The following ZNF140 variants were observed in gnomAD, a reference collection of about 807,000 sequenced individuals.
ZNF140 encodes zinc finger protein 140.
A neutral mutation model predicts 12.9 loss-of-function variants in ZNF140; 13 were observed. The observed-to-expected ratio is 1.01, with a 90% CI of 0.66 to 1.60. The LOEUF (loss-of-function observed/expected upper bound fraction) is 1.60. Ranked by LOEUF, ZNF140 falls within the 40% of genes most tolerant of loss-of-function variation. ZNF140 has a pLI of 0.00. For synonymous variants in ZNF140, 214 were observed against 186.7 expected, an observed-to-expected ratio of 1.15 and a Z score of -1.19; for missense variants, 531 against 548.8, an observed-to-expected ratio of 0.97 and a Z score of 0.32.
chr12:133,088,225 T>G (rs1022866585), intron 4 of ZNF140, among the ~76,000 whole-genome samples: 8 of 152,188 alleles, frequency 5.3e-5, no homozygotes, highest in Non-Finnish European at 1.2e-4. Flanking sequence ...CCATTATTGT[T>G]TATAGAATAA....
chr12:133,086,817 T>C (rs1954691973), intron 4 of ZNF140, among the ~76,000 whole-genome samples: 1 of 152,248 alleles, frequency 6.6e-6, no homozygotes, highest in African/African-American at 2.4e-5. Context: ...TATTTTGTCA[T>C]GTGAGTTAGT....
In ZNF140 at chr12:133,106,377, C is replaced by A. The variant is rs766513108; in HGVS notation, c.1100C>A (p.Thr367Asn). ...YECDECGKVFTWHASLIQHTK... is the reference protein window; with the variant it reads ...YECDECGKVFNWHASLIQHTK... ...TGTGATGAATGTGGTAAAGTTTTCA[C>A]TTGGCATGCATCCCTTATTCAACAT... is the stretch of plus-strand genomic sequence containing the variant. The change falls in exon 5 of 5, where the codon ACT becomes AAT. Residue 367 changes from threonine to asparagine, a missense_variant. Coordinates refer to ENST00000355557, the MANE Select transcript of ZNF140 (RefSeq NM_003440.4). 1.6e-5 allele frequency: 26 copies of A among 1,614,024 alleles called. No homozygotes were observed. In the South Asian group the frequency reaches 2.6e-4, roughly 16 times the overall value.
At position 133,106,268 on chromosome 12, in the gene ZNF140, T is replaced by C. The variant is rs758184905; in HGVS notation, c.991T>C (p.Cys331Arg). ...CCATACAACCAAAACCCCGTATGAA[T>C]GTAATGAATGTAGGAAAGCTTTCCG... ...SIHTTKTPYE[C>R]NECRKAFRCH... Residue 331 changes from cysteine (C) to arginine (R), a missense_variant, in exon 5 of 5, where the codon TGT becomes CGT. Cys to Arg is a radical substitution (Grantham distance 180). Transcript: ENST00000355557. The C allele has an allele frequency of 3.1e-6, 5 of 1,614,086 alleles. No individual in the cohort carries two copies. The highest frequency in any genetic ancestry group is 3.4e-6 in the Non-Finnish European group (4 of 1,180,036).
chr12:133,103,170 T>A (rs938161252), intron 4 of ZNF140, among the ~76,000 whole-genome samples: 1 of 150,386 alleles, frequency 6.6e-6, no homozygotes, highest in Non-Finnish European at 1.5e-5. Context: ...GTATCATTTC[T>A]ATGTGATAAG....
chr12:133,105,350 G>GAAGT (rs1955553421), intron 4 of ZNF140, among the ~76,000 whole-genome samples, 160 bp from the exon 5 acceptor site: 1 of 152,038 alleles, frequency 6.6e-6, no homozygotes, highest in African/African-American at 2.4e-5. Flanking sequence ...GATCTTTTCT[G>GAAGT]AAGTTCTGGG....
rs960836826 is a variant in ZNF140, at chr12:133,093,953, C to T, written c.232+10392C>T. Among the ~76,000 whole-genome samples the T allele has an allele frequency of 1.1e-4, 17 of 151,168 alleles. No individual in the cohort carries two copies. The East Asian group carries it at 3.3e-3, about 29-fold the overall frequency. ...TTTCCAGTCTCTCTGTCTGTTATCC[C>T]CTGTGTCCTCTCTCCTTCACACTTA... On this transcript the variant is annotated intron_variant, in intron 4 of 4. Transcript: ENST00000355557.
chr12:133,102,062 G>A (rs1254932041), intron 4 of ZNF140, among the ~76,000 whole-genome samples: 1 of 152,122 alleles, frequency 6.6e-6, no homozygotes, highest in Non-Finnish European at 1.5e-5. Context: ...GTGGTAAGGT[G>A]TTGAGGGAAG....
intron 4 of ZNF140, among the ~76,000 whole-genome samples, chr12:133,095,127 A>G (rs2137535471): frequency 6.6e-6 from 1 of 151,028 alleles, no homozygotes; most frequent in South Asian, 2.1e-4. Flanking sequence ...TACCTTCCCT[A>G]GTTGCTTGTT....
chr12:133,101,957 A>G (rs1209242367), intron 4 of ZNF140, among the ~76,000 whole-genome samples: 2 of 151,812 alleles, frequency 1.3e-5, no homozygotes, highest in East Asian at 3.9e-4. Context: ...AGTCTGTTCA[A>G]ACTTTTTTTT....
intron 4 of ZNF140, among the ~76,000 whole-genome samples, chr12:133,099,468 T>C (rs1029932335): frequency 1.3e-5 from 2 of 152,230 alleles, no homozygotes; most frequent in Admixed American, 6.5e-5. Flanking sequence ...TGAGCCACTG[T>C]GCCCGGCCAA....
chr12:133,104,597 C>T (rs963262189), intron 4 of ZNF140, among the ~76,000 whole-genome samples: 19 of 152,162 alleles, frequency 1.2e-4, no homozygotes, highest in African/African-American at 3.6e-4. Flanking sequence ...ATGATCTGCC[C>T]GCCTTGGCCT....
At chr12:133,081,826 C>T (rs2137474934) in intron 2 of ZNF140, 2 of 241,738 alleles carry the variant, frequency 8.3e-6, no homozygotes, top group East Asian at 3.1e-4. Context: ...TGAACCTCTA[C>T]TTTCAGTGGT....
rs1249116019 is a variant in ZNF140 at position 133,084,944 on chromosome 12, T to G, written c.232+1383T>G. On this transcript the variant is annotated intron_variant, in intron 4 of 4. Transcript: ENST00000355557. ...ATGAGGAAAAATGTCCTTTTTGAAT[T>G]AAAAAATAACAAAACTGATAAAAGC... is the stretch of plus-strand genomic sequence containing the variant. 2.6e-5 allele frequency among the ~76,000 whole-genome samples: 4 copies of G among 151,588 alleles called. No individual in the cohort carries two copies. The East Asian group carries it at 7.7e-4, about 29-fold the overall frequency.
chr12:133,093,588 T>C (rs1357266384), intron 4 of ZNF140: 2 of 644,920 alleles, frequency 3.1e-6, no homozygotes. Flanking sequence ...CTTCCCTATT[T>C]CCCATGTTTT....
Position 133,106,922 on chromosome 12 carries a change from C to A in ZNF140, c.*271C>A. ...CCATCTGGTAATGTTGAGAAGACTT[C>A]ATTTGGTAGGAGTCCCTTACTTTAC... On this transcript the variant is annotated 3_prime_UTR_variant, in exon 5 of 5. Coordinates refer to ENST00000355557, the MANE Select transcript of ZNF140 (RefSeq NM_003440.4). The A allele has an allele frequency of 3.7e-6, 1 of 269,788 alleles. No homozygotes were observed. Among genetic ancestry groups the A allele is most frequent in the Non-Finnish European group, 7.0e-6 (1 of 142,520 alleles). The allele number at this position is 269,788 out of a possible 1,614,324, so 16.7% of individuals were successfully genotyped here.
At chr12:133,094,505 C>T (rs1260477371) in intron 4 of ZNF140, among the ~76,000 whole-genome samples, 3 of 151,204 alleles carry the variant, frequency 2.0e-5, no homozygotes, top group African/African-American at 7.3e-5. Context: ...AATCAGTTAG[C>T]ATGCACCATC....
intron 4 of ZNF140, among the ~76,000 whole-genome samples, 173 bp from the exon 5 acceptor site, chr12:133,105,337 T>C (rs1285395590): frequency 6.6e-6 from 1 of 152,180 alleles, no homozygotes; most frequent in Non-Finnish European, 1.5e-5. Context: ...TCTATCTCTG[T>C]TTGATCTTTT....
At chr12:133,083,291 T>C in intron 3 of ZNF140, 62 bp downstream of exon 3, 1 of 1,567,158 alleles carries the variant, frequency 6.4e-7, no homozygotes, top group South Asian at 1.2e-5. Flanking sequence ...CTGTTATAAT[T>C]ATCTGGCTGA....
chr12:133,104,061 TA>T (rs1955468875), intron 4 of ZNF140, among the ~76,000 whole-genome samples: 1 of 152,230 alleles, frequency 6.6e-6, no homozygotes, highest in Admixed American at 6.5e-5. Flanking sequence ...TACCTTTCCT[TA>T]AAAGCTTACT....
Sources: gnomAD v4.1 joint callset for allele counts (sites outside exome capture counted in the v4.1 genomes callset) on GRCh38, gnomAD v4.1.1 for gene constraint, MANE v1.5 for transcripts, NCBI Gene and HGNC (gene_info 2026-07-23, HGNC 2026-07-21) for gene names.